DOK4: variants seen among roughly 807,000 people sequenced by gnomAD.
The protein encoded by DOK4 is docking protein 4, also known as downstream of tyrosine kinase 4.
In DOK4, 26 loss-of-function variants were observed where a neutral mutation model predicts 40.1. That is an observed-to-expected ratio of 0.65 (90% CI 0.48 to 0.90). The LOEUF (loss-of-function observed/expected upper bound fraction) is 0.90, where lower values mean the gene tolerates loss of function less well. DOK4 is among the 40% of genes least tolerant of loss of function. DOK4 has a pLI of 0.00. For synonymous variants in DOK4, 179 were observed against 177.0 expected (o/e 1.01, Z -0.09); for missense variants, 392 against 437.2 (o/e 0.90, Z 0.92).
intron 7 of DOK4, 37 bp downstream of exon 7, chr16:57,473,864 C>A (rs572121366): frequency 6.5e-7 from 1 of 1,541,448 alleles, no homozygotes; most frequent in Non-Finnish European, 8.8e-7. Flanking sequence ...CCGTTCCCCC[C>A]TCCCCCCGTA....
chr16:57,474,946 A>G (rs778683367), exon 6 of DOK4: 1 of 1,613,124 alleles, frequency 6.2e-7, no homozygotes, highest in Non-Finnish European at 8.5e-7. Flanking sequence ...ATACACGTCC[A>G]GGTTGGGGCA....
Position 57,479,425 on chromosome 16 carries a change from A to C in DOK4, c.66+17T>G, listed in dbSNP as rs1309071151. The C allele has an allele frequency of 6.2e-7, 1 of 1,612,400 alleles. No individual in the cohort carries two copies. Among genetic ancestry groups the C allele is most frequent in the African/African-American group, 1.3e-5 (1 of 74,912 alleles). On this transcript the variant is annotated intron_variant, in intron 2 of 8. Coordinates refer to ENST00000340099, the Ensembl canonical transcript of DOK4. This position sits in a 1 kb window ranked among gnomAD's most constrained non-coding sequence, Gnocchi z 5.8. ...CCATCCCTTGGCAGGGCCCCTCCGC[A>C]GCTCAGGGTCACTCACCCCGAGCTT...
intron 2 of DOK4, among the ~76,000 whole-genome samples, chr16:57,478,301 C>G (rs2031272652): frequency 6.6e-6 from 1 of 152,188 alleles, no homozygotes; most frequent in Non-Finnish European, 1.5e-5. Flanking sequence ...CCAAGACCAG[C>G]CCTGCTCTGT....
chr16:57,485,968 T>G lies in DOK4; in HGVS notation c.-182+337A>C, dbSNP rs1306493431. On this transcript the variant is annotated intron_variant, in intron 1 of 8. Coordinates refer to ENST00000340099, the Ensembl canonical transcript of DOK4. This position sits in a 1 kb window ranked among gnomAD's most constrained non-coding sequence, Gnocchi z 4.3. ...GAGAAGGTTGGGAGCTGCCAGGGGC[T>G]GGGTTATGCCCCTTCCGGGGGGGCA... is the stretch of plus-strand genomic sequence containing the variant. Among the ~76,000 whole-genome samples the G allele has an allele frequency of 5.9e-5, 9 of 152,030 alleles. No homozygotes were observed. The highest frequency in any genetic ancestry group is 1.3e-4 in the Non-Finnish European group (9 of 67,974).
At chr16:57,480,168 G>T (rs1356381836) in intron 1 of DOK4, 1 of 152,154 alleles carries the variant, frequency 6.6e-6, no homozygotes, top group Non-Finnish European at 1.5e-5. Flanking sequence ...GGAGGAGGAG[G>T]GTCGCAGGAG....
In DOK4 at chr16:57,479,635, T is replaced by C; in HGVS notation, c.-128A>G. 1.1e-6 allele frequency: 1 copy of C among 919,156 alleles called. No individual in the cohort carries two copies. The highest frequency in any genetic ancestry group is 1.7e-6 in the Non-Finnish European group (1 of 582,346). The allele number at this position is 919,156 out of a possible 1,614,324, so 56.9% of individuals were successfully genotyped here. ...TGTCGGGGCTGCCGCGAGGGGCTGCTCCTCACCTCACCCGCCTCAGCATTG... is the reference window on the plus strand; with the variant it reads ...TGTCGGGGCTGCCGCGAGGGGCTGCCCCTCACCTCACCCGCCTCAGCATTG... On this transcript the variant is annotated 5_prime_UTR_variant, in exon 2 of 9. Coordinates refer to ENST00000340099, the Ensembl canonical transcript of DOK4. The surrounding 1 kb of genome is among the most constrained non-coding windows in gnomAD (Gnocchi z 5.8).
exon 9 of DOK4, chr16:57,472,557 A>C (rs2030906436): frequency 6.6e-6 from 1 of 152,644 alleles, no homozygotes; most frequent in Admixed American, 6.5e-5. Flanking sequence ...AGAGGGGGGC[A>C]GCAGGGGTGC....
exon 9 of DOK4, chr16:57,473,038 G>A (rs1183561852): frequency 3.8e-5 from 10 of 262,622 alleles, no homozygotes; most frequent in East Asian, 8.1e-5. Flanking sequence ...AGCCTTGACC[G>A]TGGCCTGGTC....
chr16:57,478,078 A>C (rs1263897686), intron 2 of DOK4, among the ~76,000 whole-genome samples: 2 of 152,204 alleles, frequency 1.3e-5, no homozygotes, highest in Admixed American at 6.5e-5. Context: ...GGCCATAGGA[A>C]TGAGAAGTGA....
At chr16:57,478,336 G>C (rs1388129975) in intron 2 of DOK4, among the ~76,000 whole-genome samples, 1 of 151,090 alleles carries the variant, frequency 6.6e-6, no homozygotes, top group Non-Finnish European at 1.5e-5. Flanking sequence ...GGGAAGCTGG[G>C]TGGCAGATCC....
In DOK4 at chr16:57,475,863, C is replaced by T. The variant is rs752861535; in HGVS notation, c.161G>A (p.Arg54Gln). Residue 54 changes from arginine to glutamine, a missense_variant, in exon 3 of 9, where the codon CGG becomes CAG. Transcript: ENST00000340099. ...AGGCCTCCTAACCTTGGGGCAGCCC[C>T]GGAGGCACACCGACTTCTCATCTGG... 1.5e-5 allele frequency: 25 copies of T among 1,612,990 alleles called. No individual in the cohort carries two copies. The highest frequency in any genetic ancestry group is 8.4e-5 in the Admixed American group (5 of 59,852).
intron 1 of DOK4, among the ~76,000 whole-genome samples, chr16:57,484,917 C>T (rs1349333555): frequency 1.3e-5 from 2 of 152,212 alleles, no homozygotes; most frequent in Admixed American, 6.5e-5. Context: ...CCTGGTGGCT[C>T]GGCCTCGTCT....
exon 5 of DOK4, chr16:57,475,209 T>C: frequency 6.2e-7 from 1 of 1,613,210 alleles, no homozygotes; most frequent in Non-Finnish European, 8.5e-7. Flanking sequence ...ACCACTCCTC[T>C]GCCTCTAGCT....
chr16:57,475,904 C>T (rs747724704), exon 3 of DOK4: 1 of 1,613,634 alleles, frequency 6.2e-7, no homozygotes, highest in Non-Finnish European at 8.5e-7. Context: ...TCTCCAGCCG[C>T]TGGGGCCCCT....
exon 8 of DOK4, chr16:57,473,651 G>A (rs1242718731): frequency 1.9e-6 from 3 of 1,614,280 alleles, no homozygotes; most frequent in South Asian, 2.2e-5. Context: ...CTGGGAACCA[G>A]TGATGTGGTG....
rs148434431 is a variant in DOK4, at chr16:57,479,468, C to T, written c.40G>A (p.Val14Met). The change falls in exon 2 of 9, where the codon GTG (valine) becomes ATG (methionine). Residue 14 changes from valine (V) to methionine (M), a missense_variant. Transcript: ENST00000340099. The surrounding 1 kb of genome is among the most constrained non-coding windows in gnomAD (Gnocchi z 5.8). ...CCGAGCTTCCTGCTCTTCATCTTCA[C>T]GTAGCCTTGCTTGACGATGTCACTG... The T allele has an allele frequency of 3.7e-6, 6 of 1,613,724 alleles. No individual in the cohort carries two copies. Among genetic ancestry groups the T allele is most frequent in the Non-Finnish European group, 5.1e-6 (6 of 1,179,958 alleles).
At chr16:57,474,016 A>G in exon 7 of DOK4, 1 of 1,614,092 alleles carries the variant, frequency 6.2e-7, no homozygotes, top group Non-Finnish European at 8.5e-7. Context: ...GAAGGTATAG[A>G]GTCCTTCCCC....
intron 2 of DOK4, among the ~76,000 whole-genome samples, chr16:57,477,205 C>T (rs557478459): frequency 1.3e-5 from 2 of 152,278 alleles, no homozygotes; most frequent in East Asian, 3.9e-4. Flanking sequence ...TCCCAGGGTG[C>T]AGTGGCCCTA....
exon 9 of DOK4, chr16:57,473,036 C>T: frequency 3.8e-6 from 1 of 261,882 alleles, no homozygotes; most frequent in Non-Finnish European, 7.3e-6. Flanking sequence ...ACAGCCTTGA[C>T]CGTGGCCTGG....
Sources: gnomAD v4.1 joint callset for allele counts (sites outside exome capture counted in the v4.1 genomes callset) on GRCh38, gnomAD v4.1.1 for gene constraint, Gnocchi (gnomAD v3.1) non-coding constraint, MANE v1.5 for transcripts, NCBI Gene and HGNC (gene_info 2026-07-23, HGNC 2026-07-21) for gene names.